The following SLC24A4 variants were observed in gnomAD, a reference collection of about 807,000 sequenced individuals.
The protein encoded by SLC24A4 is solute carrier family 24 member 4, also known as sodium/potassium/calcium exchanger 4.
A neutral mutation model predicts 79.0 loss-of-function variants in SLC24A4; 53 were observed. The observed-to-expected ratio is 0.67, with a 90% CI of 0.54 to 0.84. The LOEUF (loss-of-function observed/expected upper bound fraction) is 0.84, where lower values mean the gene tolerates loss of function less well. SLC24A4 is among the 40% of genes least tolerant of loss of function. SLC24A4 has a pLI of 0.00. For missense variants in SLC24A4, 731 were observed against 822.0 expected, an observed-to-expected ratio of 0.89 and a Z score of 1.35; for synonymous variants, 323 against 323.8, an observed-to-expected ratio of 1.00 and a Z score of 0.03.
rs1218050602 is a variant in SLC24A4 at position 92,453,950 on chromosome 14, A to C, written c.931A>C (p.Ile311Leu). Residue 311 changes from isoleucine to leucine, a missense_variant, in exon 11 of 17, where the codon ATT (isoleucine) becomes CTT (leucine). Coordinates refer to ENST00000532405, the MANE Select transcript of SLC24A4 (RefSeq NM_153646.4). The part of the protein sequence containing the change: ...GKNPVVMVDE[I>L]MSSSPPKFTF... ...GAACCCCGTGGTGATGGTGGACGAG[A>C]TTATGAGCTCCAGCCCTCCCAAGTT... The C allele has an allele frequency of 6.2e-7, 1 of 1,613,526 alleles. No homozygotes were observed. Among genetic ancestry groups the C allele is most frequent in the African/African-American group, 1.3e-5 (1 of 74,896 alleles).
chr14:92,474,709 GTATATA>G (rs201628605), intron 12 of SLC24A4, among the ~76,000 whole-genome samples: 18 of 8,100 alleles, frequency 2.2e-3, no homozygotes, highest in Admixed American at 5.9e-3. Flanking sequence ...ATACGTGTGT[GTATATA>G]TATATACACA....
intron 2 of SLC24A4, among the ~76,000 whole-genome samples, chr14:92,326,307 C>A (rs1885129203): frequency 6.6e-6 from 1 of 152,024 alleles, no homozygotes; most frequent in Admixed American, 6.6e-5. Context: ...GTTTTCTTCC[C>A]TTTTGCTCAC....
chr14:92,498,698 A>G lies in SLC24A4; in HGVS notation c.*5070A>G, dbSNP rs1311909115. ...TTTTTAGTAGAGAAGGAGTTTCACC[A>G]TGCTGACCAGGCTGGTTTCGAACTC... is the stretch of plus-strand genomic sequence containing the variant. On this transcript the variant is annotated 3_prime_UTR_variant, in exon 17 of 17. Transcript: ENST00000532405. 1.3e-5 allele frequency: 2 copies of G among 152,216 alleles called. No individual in the cohort carries two copies. The highest frequency in any genetic ancestry group is 2.4e-5 in the African/African-American group (1 of 41,426). 9.4% of individuals were successfully genotyped at this position (152,216 alleles called of 1,614,324 possible). A position where few individuals can be genotyped will look rare whatever the true frequency, so the allele number is the denominator to read the frequency against.
intron 14 of SLC24A4, among the ~76,000 whole-genome samples, chr14:92,488,263 G>A (rs957177318): frequency 6.6e-6 from 1 of 151,972 alleles, no homozygotes; most frequent in Non-Finnish European, 1.5e-5. Flanking sequence ...GTAGAGACAA[G>A]GTTTCACCAT....
chr14:92,357,123 C>A (rs117977622), intron 2 of SLC24A4, among the ~76,000 whole-genome samples: 1 of 152,260 alleles, frequency 6.6e-6, no homozygotes, highest in South Asian at 2.1e-4. Context: ...GAGACTTACT[C>A]GAGCTGTGTC....
intron 14 of SLC24A4, among the ~76,000 whole-genome samples, chr14:92,488,368 A>G (rs1349391215): frequency 6.6e-6 from 1 of 152,164 alleles, no homozygotes; most frequent in Non-Finnish European, 1.5e-5. Context: ...CACTGCACCC[A>G]GCAGACTTCC....
intron 12 of SLC24A4, among the ~76,000 whole-genome samples, chr14:92,471,003 A>G (rs751142565): frequency 1.3e-5 from 2 of 152,184 alleles, no homozygotes; most frequent in African/African-American, 4.8e-5. Flanking sequence ...TCCTCCACCT[A>G]AGCTTACATC....
In SLC24A4 at chr14:92,433,968, G is replaced by A. The variant is rs200041150; in HGVS notation, c.298G>A (p.Val100Ile). Residue 100 changes from valine (V) to isoleucine (I), a missense_variant, in exon 3 of 17, where the codon GTC becomes ATC. Coordinates refer to ENST00000532405, the MANE Select transcript of SLC24A4 (RefSeq NM_153646.4). ...CAATAAGGAGCGACAGCACGGAGCCGTCCTGCTGCACATCCTTGGTGTAAG... is the reference window on the plus strand; with the variant it reads ...CAATAAGGAGCGACAGCACGGAGCCATCCTGCTGCACATCCTTGGTGTAAG... ...FSNKERQHGA[V>I]LLHILGALYM... 4.3e-5 allele frequency: 69 copies of A among 1,614,016 alleles called. No individual in the cohort carries two copies. The South Asian group carries it at 4.3e-4, about 10-fold the overall frequency.
intron 8 of SLC24A4, among the ~76,000 whole-genome samples, 190 bp from the exon 9 acceptor site, chr14:92,447,181 C>G (rs1892841447): frequency 6.6e-6 from 1 of 152,214 alleles, no homozygotes; most frequent in Non-Finnish European, 1.5e-5. Context: ...GCTTGAACAT[C>G]AAGAGGGCTG....
At chr14:92,354,316 A>AT (rs532296782) in intron 2 of SLC24A4, among the ~76,000 whole-genome samples, 6 of 151,528 alleles carry the variant, frequency 4.0e-5, no homozygotes, top group African/African-American at 7.3e-5. Flanking sequence ...ATGCCCGGCT[A>AT]TTTTTTTTGT....
chr14:92,460,120 C>T (rs564378899), intron 12 of SLC24A4, among the ~76,000 whole-genome samples: 4 of 152,108 alleles, frequency 2.6e-5, no homozygotes, highest in Non-Finnish European at 5.9e-5. Context: ...AGTCTAGCCC[C>T]GTGCCAATGT....
At chr14:92,343,642 CTCTTTCCTTCTT>C (rs1886326128) in intron 2 of SLC24A4, among the ~76,000 whole-genome samples, 1 of 46,348 alleles carries the variant, frequency 2.2e-5, no homozygotes, top group African/African-American at 7.5e-5. Flanking sequence ...CTTTCTTTCT[CTCTTTCCTTCTT>C]TCCTTCCTTC....
chr14:92,415,944 CAA>C (rs922457949), intron 2 of SLC24A4, among the ~76,000 whole-genome samples: 1 of 152,112 alleles, frequency 6.6e-6, no homozygotes, highest in African/African-American at 2.4e-5. Flanking sequence ...CCCGAGTCCC[CAA>C]AGTCATCCTT....
chr14:92,490,289 G>A lies in SLC24A4; in HGVS notation c.1538-1376G>A, dbSNP rs1336145392. Among the ~76,000 whole-genome samples, 1 of 152,226 alleles carries A rather than the reference G, an allele frequency of 6.6e-6. No individual in the cohort carries two copies. Among genetic ancestry groups the A allele is most frequent in the Non-Finnish European group, 1.5e-5 (1 of 68,040 alleles). ...GGTGTGGAAGTATGGCTCAGTGGCC[G>A]GGTTAGGGCAGATTCCAGCCAGTAC... On this transcript the variant is annotated intron_variant, in intron 14 of 16. Transcript: ENST00000532405. The surrounding 1 kb of genome is among the most constrained non-coding windows in gnomAD (Gnocchi z 4.3).
At chr14:92,483,803 C>T (rs1895207160) in intron 13 of SLC24A4, 2 of 1,290,030 alleles carry the variant, frequency 1.6e-6, no homozygotes, top group Non-Finnish European at 2.0e-6. Context: ...GCCCCTTACA[C>T]CCTAGTGGTT....
At chr14:92,349,611 A>C (rs1218159632) in intron 2 of SLC24A4, among the ~76,000 whole-genome samples, 2 of 152,032 alleles carry the variant, frequency 1.3e-5, no homozygotes, top group Admixed American at 1.3e-4. Context: ...ATATTTGAGA[A>C]ACTATAGTGC....
intron 2 of SLC24A4, among the ~76,000 whole-genome samples, chr14:92,341,709 G>A (rs1382716442): frequency 6.6e-6 from 1 of 152,168 alleles, no homozygotes; most frequent in East Asian, 1.9e-4. Flanking sequence ...AGTCTCCCCA[G>A]GAAAATGGGG....
chr14:92,392,448 C>T (rs998541114), intron 2 of SLC24A4, among the ~76,000 whole-genome samples: 3 of 151,922 alleles, frequency 2.0e-5, no homozygotes, highest in Non-Finnish European at 4.4e-5. Flanking sequence ...CCTGATTGCT[C>T]TGTTGTATTC....
At chr14:92,345,411 C>T (rs577554351) in intron 2 of SLC24A4, among the ~76,000 whole-genome samples, 2 of 152,322 alleles carry the variant, frequency 1.3e-5, no homozygotes, top group South Asian at 4.1e-4. Flanking sequence ...AAAAGCATAG[C>T]ACTTACAGGC....
Sources: allele counts gnomAD v4.1 joint callset (sites outside exome capture counted in the v4.1 genomes callset), GRCh38; gene constraint gnomAD v4.1.1; non-coding constraint Gnocchi (gnomAD v3.1); transcripts MANE v1.5; gene names NCBI Gene and HGNC (gene_info 2026-07-23, HGNC 2026-07-21).